Variants in LHFPL3 observed in about 807,000 individuals in gnomAD.
LHFPL3 encodes the protein LHFPL tetraspan subfamily member 3, also known as LHFPL tetraspan subfamily member 3 protein.
LHFPL3 carries 5 observed loss-of-function variants against 19.3 expected under a neutral mutation model. That is an observed-to-expected ratio of 0.26 (90% CI 0.14 to 0.54). The LOEUF (loss-of-function observed/expected upper bound fraction) is 0.54. Among genes scored for constraint, LHFPL3 ranks in the 20% least tolerant of loss-of-function variants. LHFPL3 has a pLI of 0.94. For synonymous variants in LHFPL3, 133 were observed against 126.2 expected, an observed-to-expected ratio of 1.05 and a Z score of -0.36; for missense variants, 249 against 307.4, an observed-to-expected ratio of 0.81 and a Z score of 1.42.
intron 1 of LHFPL3, among the ~76,000 whole-genome samples, chr7:104,527,780 G>GT (rs1424662215): frequency 6.6e-6 from 1 of 152,088 alleles, no homozygotes; most frequent in Non-Finnish European, 1.5e-5. Flanking sequence ...TTGCCTTCAG[G>GT]TATATGTCTG....
At chr7:104,672,058 A>AGTGC (rs1554422976) in intron 1 of LHFPL3, among the ~76,000 whole-genome samples, 2 of 148,690 alleles carry the variant, frequency 1.3e-5, no homozygotes, top group African/African-American at 5.0e-5. Context: ...TTAACTTCCA[A>AGTGC]GTGTGTGTGT....
At chr7:104,699,950 C>T (rs1384252357) in intron 1 of LHFPL3, among the ~76,000 whole-genome samples, 1 of 152,204 alleles carries the variant, frequency 6.6e-6, no homozygotes, top group Non-Finnish European at 1.5e-5. Context: ...TAGGCCCCCA[C>T]CTCAGCCATC....
At chr7:104,805,020 G>T (rs1790328583) in intron 2 of LHFPL3, among the ~76,000 whole-genome samples, 1 of 152,146 alleles carries the variant, frequency 6.6e-6, no homozygotes, top group Admixed American at 6.5e-5. Context: ...ACTCCCACCA[G>T]CCAGCACCCA....
chr7:104,830,718 C>T (rs1216363549), intron 2 of LHFPL3, among the ~76,000 whole-genome samples: 1 of 151,850 alleles, frequency 6.6e-6, no homozygotes, highest in South Asian at 2.1e-4. Context: ...CAGTACCATG[C>T]TGTTTTGGTT....
chr7:104,900,019 A>T (rs1348624127), intron 2 of LHFPL3, among the ~76,000 whole-genome samples: 2 of 152,186 alleles, frequency 1.3e-5, no homozygotes, highest in Admixed American at 1.3e-4. Flanking sequence ...GGCGTGAGCC[A>T]CCGCCGTGCC....
intron 1 of LHFPL3, among the ~76,000 whole-genome samples, chr7:104,348,330 C>T (rs947320221): frequency 2.0e-5 from 3 of 152,140 alleles, no homozygotes; most frequent in African/African-American, 7.2e-5. Flanking sequence ...TTGCAGTGAG[C>T]CGAGATCTCG....
chr7:104,578,242 G>A (rs1449566255), intron 1 of LHFPL3, among the ~76,000 whole-genome samples: 1 of 152,212 alleles, frequency 6.6e-6, no homozygotes, highest in Admixed American at 6.5e-5. Context: ...CTCCAGGTGT[G>A]GGTAACTCCT....
intron 1 of LHFPL3, among the ~76,000 whole-genome samples, chr7:104,690,200 T>A (rs904874337): frequency 6.6e-6 from 1 of 152,250 alleles, no homozygotes; most frequent in Non-Finnish European, 1.5e-5. Flanking sequence ...CTTACCCAAG[T>A]GGTGGCCCCA....
chr7:104,631,587 G>T (rs1290771254), intron 1 of LHFPL3, among the ~76,000 whole-genome samples: 1 of 152,186 alleles, frequency 6.6e-6, no homozygotes, highest in Non-Finnish European at 1.5e-5. Flanking sequence ...AATTTCATGT[G>T]ATTTCTAAAA....
At chr7:104,492,690 T>C (rs1458256123) in intron 1 of LHFPL3, among the ~76,000 whole-genome samples, 3 of 152,402 alleles carry the variant, frequency 2.0e-5, no homozygotes, top group Non-Finnish European at 4.4e-5. Context: ...TTATAACTAT[T>C]ACGTTCACTA....
At chr7:104,703,176 A>T (rs981884787) in intron 1 of LHFPL3, among the ~76,000 whole-genome samples, 8 of 152,282 alleles carry the variant, frequency 5.3e-5, no homozygotes, top group African/African-American at 1.4e-4. Context: ...AACTTTCATG[A>T]ATTTATTTAG....
At chr7:104,799,027 G>A (rs1463843097) in intron 2 of LHFPL3, among the ~76,000 whole-genome samples, 5 of 152,132 alleles carry the variant, frequency 3.3e-5, no homozygotes, top group East Asian at 1.9e-4. Flanking sequence ...TTTTATTACC[G>A]CATTCAAAAA....
intron 2 of LHFPL3, among the ~76,000 whole-genome samples, chr7:104,880,278 C>A (rs928334819): frequency 1.3e-5 from 2 of 151,684 alleles, no homozygotes; most frequent in South Asian, 4.2e-4. Flanking sequence ...CACTTCCCCC[C>A]TCCCTCTCTC....
At chr7:104,494,486 T>C (rs971109061) in intron 1 of LHFPL3, among the ~76,000 whole-genome samples, 8 of 152,212 alleles carry the variant, frequency 5.3e-5, no homozygotes, top group African/African-American at 1.9e-4. Context: ...CATTTTCACA[T>C]GTTTACATCC....
chr7:104,467,514 A>T (rs1302894378), intron 1 of LHFPL3, among the ~76,000 whole-genome samples: 1 of 152,228 alleles, frequency 6.6e-6, no homozygotes, highest in East Asian at 1.9e-4. Flanking sequence ...GTACAGGCTT[A>T]TTACTGTTTA....
At chr7:104,877,114 C>A (rs1022658833) in intron 2 of LHFPL3, among the ~76,000 whole-genome samples, 1 of 151,976 alleles carries the variant, frequency 6.6e-6, no homozygotes, top group Non-Finnish European at 1.5e-5. Context: ...CATCACACAC[C>A]GGGGCCTGTT....
At chr7:104,515,182 C>A (rs1793897466) in intron 1 of LHFPL3, among the ~76,000 whole-genome samples, 1 of 152,108 alleles carries the variant, frequency 6.6e-6, no homozygotes, top group Non-Finnish European at 1.5e-5. Flanking sequence ...TGATTTTTAA[C>A]TTTCTCATTT....
At chr7:104,798,803 A>T (rs776484308) in intron 2 of LHFPL3, among the ~76,000 whole-genome samples, 76 of 152,184 alleles carry the variant, frequency 5.0e-4, no homozygotes, top group Non-Finnish European at 8.5e-4. Flanking sequence ...ATTCATCTAC[A>T]TCTTCTTTAA....
intron 2 of LHFPL3, among the ~76,000 whole-genome samples, chr7:104,905,016 T>C (rs10281485): frequency 0.15 from 23,293 of 151,982 alleles, 4,016 homozygotes; most frequent in East Asian, 0.45. Context: ...AGTGCAGTGG[T>C]GCGATCTTTG....
Sources: allele counts gnomAD v4.1 joint callset (sites outside exome capture counted in the v4.1 genomes callset), GRCh38; gene constraint gnomAD v4.1.1; transcripts MANE v1.5; gene names NCBI Gene and HGNC (gene_info 2026-07-23, HGNC 2026-07-21).